SHOC1: variants seen among roughly 807,000 people sequenced by gnomAD.
SHOC1 encodes the protein shortage in chiasmata 1, also known as protein shortage in chiasmata 1 ortholog.
SHOC1 carries 136 observed loss-of-function variants against 179.2 expected under a neutral mutation model. The ratio of observed to expected loss-of-function variants is 0.76; its 90% CI spans 0.66 to 0.87. The LOEUF is 0.87. Ranked by LOEUF, SHOC1 falls within the 40% of genes least tolerant of loss-of-function variation. The pLI, the probability that SHOC1 is intolerant of heterozygous loss-of-function variation, is 0.00. For missense variants in SHOC1, 1,538 were observed against 1,700.8 expected (o/e 0.90, Z 1.68); for synonymous variants, 489 against 586.6 (o/e 0.83, Z 2.41).
chr9:111,755,689 A>C (rs898908439), intron 8 of SHOC1, among the ~76,000 whole-genome samples: 5 of 152,234 alleles, frequency 3.3e-5, no homozygotes, highest in African/African-American at 1.2e-4. Flanking sequence ...TAATGTCAGT[A>C]TAGAAGTTGA....
chr9:111,720,631 T>G (rs1164495917), intron 15 of SHOC1, among the ~76,000 whole-genome samples: 2 of 152,328 alleles, frequency 1.3e-5, no homozygotes, highest in African/African-American at 4.8e-5. Context: ...TGATGCCTTC[T>G]TTTATTTCTT....
rs768234377 is a variant in SHOC1 at position 111,691,864 on chromosome 9, C to A, written c.4113G>T (p.Pro1371=). Residue 1371 remains proline (P), a synonymous_variant, in exon 27 of 28, where the codon CCG becomes CCT. Transcript: ENST00000682961. ...GCTGTGCACCATATTGTAAGTTGAA[C>A]GGGTGATTCTCTTGTTCCCATATAT... ...KKNIWEQENH[P]FNLQYGAQQT... 1 of 1,613,656 alleles carries A rather than the reference C, an allele frequency of 6.2e-7. No individual in the cohort carries two copies. The highest frequency in any genetic ancestry group is 1.1e-5 in the South Asian group (1 of 91,066).
At chr9:111,769,975 G>GTTTTTTTTTTCTTT in intron 5 of SHOC1, among the ~76,000 whole-genome samples, 1 of 87,806 alleles carries the variant, frequency 1.1e-5, no homozygotes, top group Non-Finnish European at 2.2e-5. Flanking sequence ...TTTATCTTCT[G>GTTTTTTTTTTCTTT]TTTTTTTTTT....
chr9:111,757,999 T>C, intron 7 of SHOC1, 85 bp downstream of exon 7: 2 of 652,438 alleles, frequency 3.1e-6, no homozygotes, highest in South Asian at 2.1e-5. Context: ...AATTTGACAA[T>C]TGTAGACAAT....
intron 24 of SHOC1, among the ~76,000 whole-genome samples, chr9:111,696,760 G>T (rs763502224): frequency 6.6e-6 from 1 of 152,154 alleles, no homozygotes; most frequent in Admixed American, 6.5e-5. Flanking sequence ...AGCATATTTT[G>T]CCTGTAATGG....
intron 5 of SHOC1, among the ~76,000 whole-genome samples, chr9:111,769,478 T>A (rs1835479895): frequency 6.6e-6 from 1 of 152,098 alleles, no homozygotes; most frequent in Admixed American, 6.6e-5. Flanking sequence ...TAGTTCAAAC[T>A]TTTTTTCCTT....
chr9:111,759,357 T>A (rs1835032938), intron 5 of SHOC1: 1 of 1,497,664 alleles, frequency 6.7e-7, no homozygotes, highest in African/African-American at 1.4e-5. Flanking sequence ...GTTATTCACA[T>A]GGTTGCTATA....
At chr9:111,700,555 TG>T (rs1831922298) in intron 23 of SHOC1, among the ~76,000 whole-genome samples, 1 of 151,060 alleles carries the variant, frequency 6.6e-6, no homozygotes, top group Non-Finnish European at 1.5e-5. Flanking sequence ...ACCCACTTTA[TG>T]TACCCTAAGC....
rs79788819 is a variant in SHOC1, at chr9:111,702,075, A to G, written c.3089+30T>C. ...GGACTTAGGATTAAGAAATACGAAC[A>G]TAACTTTGGATGAAGAAATGTTTAC... On this transcript the variant is annotated intron_variant, in intron 23 of 27. Coordinates refer to ENST00000682961, the MANE Select transcript of SHOC1 (RefSeq NM_001378211.1). 1.8e-4 allele frequency: 250 copies of G among 1,428,158 alleles called. 1 individual carries two copies. In the East Asian group the frequency reaches 6.1e-3, roughly 35 times the overall value. 88.5% of individuals were successfully genotyped at this position (1,428,158 alleles called of 1,614,324 possible).
At chr9:111,705,170 T>TAC (rs112920989) in intron 21 of SHOC1, 77 bp downstream of exon 21, 11,020 of 491,838 alleles carry the variant, frequency 0.022, 254 homozygotes, top group African/African-American at 0.11. Flanking sequence ...AGAATATATA[T>TAC]ACACACACAC....
intron 4 of SHOC1, among the ~76,000 whole-genome samples, chr9:111,780,704 T>C (rs1836004560): frequency 6.6e-6 from 1 of 152,152 alleles, no homozygotes; most frequent in Admixed American, 6.5e-5. Context: ...CTACAGAAAG[T>C]TTACTAATTG....
At chr9:111,724,052 T>C in intron 13 of SHOC1, 141 bp from the exon 14 acceptor site, 1 of 638,916 alleles carries the variant, frequency 1.6e-6, no homozygotes, top group Admixed American at 3.0e-5. Flanking sequence ...TGAACAACTA[T>C]TCAGATCAAT....
At chr9:111,744,529 AG>A (rs1414602212) in intron 10 of SHOC1, among the ~76,000 whole-genome samples, 4 of 152,192 alleles carry the variant, frequency 2.6e-5, no homozygotes, top group African/African-American at 9.6e-5. Context: ...TGAATTATAC[AG>A]CCTTGACTCC....
rs373504249 is a variant in SHOC1, at chr9:111,756,427, G to T, written c.760C>A (p.Pro254Thr). Residue 254 changes from proline (P) to threonine (T), a missense_variant, in exon 8 of 28, where the codon CCA becomes ACA. Coordinates refer to ENST00000682961, the MANE Select transcript of SHOC1 (RefSeq NM_001378211.1). ...GAGAGTGATGGAATATCAATTTCTG[G>T]TTTGAGGCTTGGAGGTATTAAGAAT... ...YEFLIPPSLK[P>T]EIDIPSLSEL... 6.2e-7 allele frequency: 1 copy of T among 1,611,952 alleles called. No homozygotes were observed. Among genetic ancestry groups the T allele is most frequent in the Non-Finnish European group, 8.5e-7 (1 of 1,179,040 alleles).
At chr9:111,712,688 T>G (rs1832608484) in intron 18 of SHOC1, among the ~76,000 whole-genome samples, 2 of 152,138 alleles carry the variant, frequency 1.3e-5, no homozygotes, top group Non-Finnish European at 2.9e-5. Context: ...AGAATGATAC[T>G]AAAACGAGAG....
intron 10 of SHOC1, 104 bp downstream of exon 10, chr9:111,746,128 ATT>A: frequency 1.5e-6 from 1 of 646,560 alleles, no homozygotes; most frequent in Non-Finnish European, 2.7e-6. Flanking sequence ...TAGCTCTTAA[ATT>A]TTTTCATAGA....
rs777633205 is a variant in SHOC1 at position 111,692,287 on chromosome 9, G to A, written c.3690C>T (p.Asn1230=). The change falls in exon 27 of 28, where the codon AAC becomes AAT. Residue 1230 remains asparagine, a synonymous_variant. Transcript: ENST00000682961. Reference sequence around the variant, plus strand: ...TTTCTTTTAGTTCCATAATGGAAGAGTTGTCATTCAAAATGGTGGTTTTGT... The same window carrying A: ...TTTCTTTTAGTTCCATAATGGAAGAATTGTCATTCAAAATGGTGGTTTTGT... The part of the protein sequence containing the change: ...QEDKTTILND[N]SSIMELKEIS... 1 of 1,613,344 alleles carries A rather than the reference G, an allele frequency of 6.2e-7. No individual in the cohort carries two copies.
At chr9:111,759,972 T>G (rs1246413488) in intron 5 of SHOC1, among the ~76,000 whole-genome samples, 1 of 152,220 alleles carries the variant, frequency 6.6e-6, no homozygotes, top group Non-Finnish European at 1.5e-5. Flanking sequence ...AGGAAGTTAG[T>G]CAATCAATTC....
intron 3 of SHOC1, chr9:111,783,612 T>C (rs1836159468): frequency 6.6e-6 from 1 of 152,242 alleles, no homozygotes; most frequent in African/African-American, 2.4e-5. Flanking sequence ...CTAATCTATT[T>C]ATACTCATGC....
Sources: gnomAD v4.1 joint callset for allele counts (sites outside exome capture counted in the v4.1 genomes callset) on GRCh38, gnomAD v4.1.1 for gene constraint, MANE v1.5 for transcripts, NCBI Gene and HGNC (gene_info 2026-07-23, HGNC 2026-07-21) for gene names.